Variants in GNG4 observed in about 807,000 individuals in gnomAD.
The protein encoded by GNG4 is guanine nucleotide-binding protein G(I)/G(S)/G(O) subunit gamma-4.
In GNG4, 4 loss-of-function variants were observed where a neutral mutation model predicts 5.8. The observed-to-expected ratio is 0.69, with a 90% CI of 0.34 to 1.57. The LOEUF (loss-of-function observed/expected upper bound fraction) is 1.57. Among genes scored for constraint, GNG4 ranks in the 40% most tolerant of loss-of-function variants. The pLI is 0.06. For missense variants in GNG4, 96 were observed against 95.1 expected (o/e 1.01, Z -0.04); for synonymous variants, 29 against 32.9 (o/e 0.88, Z 0.41).
At chr1:235,650,269 G>GACCGAGCCGTGGGGGAA (rs1558510128), upstream of GNG4, among the ~76,000 whole-genome samples, 13 of 63,274 alleles carry the variant, frequency 2.1e-4, no homozygotes, top group Middle Eastern at 6.0e-3. Flanking sequence ...CTGGGGGGGG[G>GACCGAGCCGTGGGGGAA]TCTGGGGGGC....
At chr1:235,612,215 C>G (rs960126259) in intron 1 of GNG4, among the ~76,000 whole-genome samples, 1 of 152,150 alleles carries the variant, frequency 6.6e-6, no homozygotes, top group Admixed American at 6.5e-5. Flanking sequence ...GACATTCAGA[C>G]TCACAAGACG....
intron 2 of GNG4, among the ~76,000 whole-genome samples, chr1:235,592,271 C>T (rs1571901043): frequency 6.6e-6 from 1 of 152,164 alleles, no homozygotes; most frequent in Admixed American, 6.5e-5. Flanking sequence ...TTTGGGAGGC[C>T]GAGGCAGGTG....
intron 1 of GNG4, among the ~76,000 whole-genome samples, chr1:235,617,867 A>C (rs140807338): frequency 8.0e-5 from 12 of 150,192 alleles, no homozygotes; most frequent in Admixed American, 3.4e-4. Context: ...CCTGGGCGAC[A>C]GAGTGAGACT....
At chr1:235,587,853 GTGTA>G (rs978583937) in intron 2 of GNG4, among the ~76,000 whole-genome samples, 10 of 151,006 alleles carry the variant, frequency 6.6e-5, no homozygotes, top group African/African-American at 2.2e-4. Context: ...GTGTGTGTAA[GTGTA>G]TGGAGTGTGT....
chr1:235,606,389 AG>A (rs1169678732), intron 1 of GNG4, among the ~76,000 whole-genome samples: 2 of 152,182 alleles, frequency 1.3e-5, no homozygotes, highest in Non-Finnish European at 2.9e-5. Context: ...CTTAAAAAAA[AG>A]AAAAATCAAA....
chr1:235,587,834 G>A (rs562821819), intron 2 of GNG4, among the ~76,000 whole-genome samples: 44 of 150,516 alleles, frequency 2.9e-4, no homozygotes, highest in African/African-American at 9.6e-4. Flanking sequence ...CAGAGCATGC[G>A]GGGTGAACGT....
At chr1:235,563,109 T>C (rs1687108699) in intron 3 of GNG4, among the ~76,000 whole-genome samples, 1 of 152,096 alleles carries the variant, frequency 6.6e-6, no homozygotes, top group Admixed American at 6.6e-5. Context: ...CCATGGTCTT[T>C]ATTTCTTGTA....
chr1:235,636,593 G>T (rs953189998), intron 1 of GNG4, among the ~76,000 whole-genome samples: 5 of 152,168 alleles, frequency 3.3e-5, no homozygotes, highest in African/African-American at 1.2e-4. Flanking sequence ...GTATCTCCAT[G>T]GGTCCTCCAG....
rs1191027705 is a variant in GNG4, at chr1:235,644,537, C to T, written c.-123+5125G>A. ...GACTGAAGTCATCAGGTCTCCTTAA[C>T]CAGGCTGCAGTCCCCTAGTACCCTG... On this transcript the variant is annotated intron_variant, in intron 1 of 3. Coordinates refer to ENST00000391854, the MANE Select transcript of GNG4 (RefSeq NM_001098722.2). This position sits in a 1 kb window ranked among gnomAD's most constrained non-coding sequence, Gnocchi z 5.9. 6.6e-6 allele frequency among the ~76,000 whole-genome samples: 1 copy of T among 152,196 alleles called. No homozygotes were observed. Among genetic ancestry groups the T allele is most frequent in the African/African-American group, 2.4e-5 (1 of 41,442 alleles).
intron 1 of GNG4, among the ~76,000 whole-genome samples, chr1:235,630,350 C>T (rs1053163394): frequency 6.6e-6 from 1 of 152,198 alleles, no homozygotes; most frequent in African/African-American, 2.4e-5. Context: ...CTTCAAATGC[C>T]GTAAGTACTT....
intron 3 of GNG4, among the ~76,000 whole-genome samples, chr1:235,565,141 G>A (rs990153992): frequency 3.3e-5 from 5 of 152,110 alleles, no homozygotes; most frequent in Non-Finnish European, 5.9e-5. Flanking sequence ...GAGACCACTC[G>A]GGCCATGGTG....
intron 3 of GNG4, among the ~76,000 whole-genome samples, chr1:235,559,349 C>T (rs1377359621): frequency 6.6e-6 from 1 of 152,194 alleles, no homozygotes; most frequent in Admixed American, 6.5e-5. Context: ...TGCTTATCCT[C>T]AGTGGGATCC....
intron 3 of GNG4, among the ~76,000 whole-genome samples, chr1:235,555,744 TG>T (rs1686885844): frequency 6.6e-6 from 1 of 152,042 alleles, no homozygotes; most frequent in Admixed American, 6.6e-5. Context: ...AATATATTTA[TG>T]GTGTACAACA....
intron 1 of GNG4, among the ~76,000 whole-genome samples, chr1:235,643,824 GC>G (rs1657423689): frequency 6.6e-6 from 1 of 152,196 alleles, no homozygotes; most frequent in Non-Finnish European, 1.5e-5. Flanking sequence ...CTGGGTCCAG[GC>G]CAGCAATTGG....
intron 2 of GNG4, among the ~76,000 whole-genome samples, chr1:235,587,429 TGA>T (rs1687810814): frequency 1.6e-4 from 5 of 31,122 alleles, no homozygotes; most frequent in Non-Finnish European, 2.3e-4. Flanking sequence ...GGTGTGTGTG[TGA>T]GGGTGGGTGA....
At chr1:235,572,577 C>T (rs1043528909) in intron 3 of GNG4, among the ~76,000 whole-genome samples, 1 of 148,246 alleles carries the variant, frequency 6.7e-6, no homozygotes, top group South Asian at 2.1e-4. Context: ...TCTCAGCTCA[C>T]TGCAACCTCT....
intron 3 of GNG4, among the ~76,000 whole-genome samples, chr1:235,571,562 C>G (rs1011836353): frequency 6.6e-6 from 1 of 152,176 alleles, no homozygotes; most frequent in African/African-American, 2.4e-5. Flanking sequence ...GGAAAACACA[C>G]ACATTACTGA....
At position 235,644,049 on chromosome 1, in the gene GNG4, T is replaced by G. The variant is rs1162954736; in HGVS notation, c.-123+5613A>C. On this transcript the variant is annotated intron_variant, in intron 1 of 3. Coordinates refer to ENST00000391854, the MANE Select transcript of GNG4 (RefSeq NM_001098722.2). This position sits in a 1 kb window ranked among gnomAD's most constrained non-coding sequence, Gnocchi z 5.9. ...CCGAGAGAGTCCCCAAAAGGCACAA[T>G]TCTACAAGGTCAACCAAGTGGAGGG... Among the ~76,000 whole-genome samples, 2 of 152,030 alleles carry G rather than the reference T, an allele frequency of 1.3e-5. No individual in the cohort carries two copies. The highest frequency in any genetic ancestry group is 2.9e-5 in the Non-Finnish European group (2 of 67,992).
chr1:235,562,750 T>A (rs1687101498), intron 3 of GNG4, among the ~76,000 whole-genome samples: 2 of 151,578 alleles, frequency 1.3e-5, no homozygotes, highest in South Asian at 4.2e-4. Context: ...TGGGAAAAAC[T>A]GCTATTTTAA....
Sources: gnomAD v4.1 joint callset for allele counts (sites outside exome capture counted in the v4.1 genomes callset) on GRCh38, gnomAD v4.1.1 for gene constraint, Gnocchi (gnomAD v3.1) non-coding constraint, MANE v1.5 for transcripts, NCBI Gene and HGNC (gene_info 2026-07-23, HGNC 2026-07-21) for gene names.